The following ADPRM variants were observed in gnomAD, a reference collection of about 807,000 sequenced individuals.
ADPRM encodes the protein ADP-ribose/CDP-alcohol diphosphatase, manganese dependent.
Under a neutral mutation model 27.2 loss-of-function variants are expected in ADPRM, and 17 were observed. That is an observed-to-expected ratio of 0.63 (90% CI 0.43 to 0.94). The LOEUF (loss-of-function observed/expected upper bound fraction) is 0.94. Among genes scored for constraint, ADPRM ranks in the 40% least tolerant of loss-of-function variants. The pLI is 0.00. For synonymous variants in ADPRM, 135 were observed against 145.3 expected, an observed-to-expected ratio of 0.93 and a Z score of 0.51; for missense variants, 337 against 412.8, an observed-to-expected ratio of 0.82 and a Z score of 1.59.
chr17:10,701,448 A>G (rs1256395427), intron 1 of ADPRM, among the ~76,000 whole-genome samples: 1 of 151,978 alleles, frequency 6.6e-6, no homozygotes, highest in African/African-American at 2.4e-5. Context: ...CTCCTGCCTC[A>G]GCCTCCTGAG....
chr17:10,705,114 G>A lies in ADPRM; in HGVS notation c.188G>A (p.Ser63Asn), dbSNP rs371191811. Residue 63 changes from serine (S) to asparagine (N), a missense_variant, in exon 2 of 4, where the codon AGC (serine) becomes AAC (asparagine). Coordinates refer to ENST00000379774, the MANE Select transcript of ADPRM (RefSeq NM_020233.5). The surrounding 1 kb of genome is among the most constrained non-coding windows in gnomAD (Gnocchi z 5.4). ...GCCATTGAAGACTGGAATAATGAAA[G>A]CAGCATGCCCTGTTGTGTCCTTCAG... is the stretch of plus-strand genomic sequence containing the variant. ...QGAIEDWNNESSMPCCVLQLG... is the reference protein window; with the variant it reads ...QGAIEDWNNENSMPCCVLQLG... 57 of 1,614,012 alleles carry A rather than the reference G, an allele frequency of 3.5e-5. No homozygotes were observed. The highest frequency in any genetic ancestry group is 4.7e-5 in the Non-Finnish European group (55 of 1,180,022).
At chr17:10,701,623 C>T (rs2074779715) in intron 1 of ADPRM, among the ~76,000 whole-genome samples, 1 of 152,222 alleles carries the variant, frequency 6.6e-6, no homozygotes, top group African/African-American at 2.4e-5. Flanking sequence ...GCCACCACGC[C>T]TGGCCTATAT....
At chr17:10,703,551 CAAAT>C (rs10586478) in intron 1 of ADPRM, among the ~76,000 whole-genome samples, 67,084 of 151,488 alleles carry the variant, frequency 0.44, 14,996 homozygotes, top group East Asian at 0.52. Flanking sequence ...CCCTAATTCT[CAAAT>C]AAGTCAAATT....
Position 10,702,251 on chromosome 17 carries a change from G to T in ADPRM, c.-17-2659G>T, listed in dbSNP as rs1284038987. ...CTCTCTTTTTACCCCAGAACACATC[G>T]CTGTTTTGAAGTGTGTGCCCCTTGG... is the stretch of plus-strand genomic sequence containing the variant. On this transcript the variant is annotated intron_variant, in intron 1 of 3. Transcript: ENST00000379774. The surrounding 1 kb of genome is among the most constrained non-coding windows in gnomAD (Gnocchi z 4.2). Among the ~76,000 whole-genome samples the T allele has an allele frequency of 2.0e-5, 3 of 152,114 alleles. No homozygotes were observed. The highest frequency in any genetic ancestry group is 4.8e-5 in the African/African-American group (2 of 41,420).
At chr17:10,709,115 T>G (rs1026806516) in intron 3 of ADPRM, among the ~76,000 whole-genome samples, 5 of 152,240 alleles carry the variant, frequency 3.3e-5, no homozygotes, top group African/African-American at 9.6e-5. Context: ...TTATGGCTAC[T>G]CCAAGGTCAT....
At chr17:10,708,117 G>A (rs952790517) in intron 3 of ADPRM, among the ~76,000 whole-genome samples, 1 of 151,970 alleles carries the variant, frequency 6.6e-6, no homozygotes, top group African/African-American at 2.4e-5. Context: ...TCTCAGTAGT[G>A]TATCTAATGA....
chr17:10,704,990 G>A lies in ADPRM; in HGVS notation c.64G>A (p.Val22Ile), dbSNP rs79976834. Residue 22 changes from valine to isoleucine, a missense_variant, in exon 2 of 4, where the codon GTC becomes ATC. Physicochemically the swap from Val to Ile is conservative, Grantham distance 29. Coordinates refer to ENST00000379774, the MANE Select transcript of ADPRM (RefSeq NM_020233.5). ...TTCAGAGCGTCTTTTCTCCTTTGGC[G>A]TCATCGCAGATGTTCAATTTGCAGA... is the stretch of plus-strand genomic sequence containing the variant. ...DSSERLFSFG[V>I]IADVQFADLE... The A allele has an allele frequency of 1.3e-3, 2,163 of 1,614,096 alleles. 34 individuals carry two copies. The East Asian group carries it at 0.019, about 14-fold the overall frequency.
chr17:10,698,608 A>C (rs2074752255), intron 1 of ADPRM, among the ~76,000 whole-genome samples: 2 of 152,136 alleles, frequency 1.3e-5, no homozygotes, highest in Admixed American at 1.3e-4. Flanking sequence ...TGATTGTTGG[A>C]CCAGAGCATG....
chr17:10,697,768 T>A, intron 1 of ADPRM, 101 bp downstream of exon 1: 1 of 529,620 alleles, frequency 1.9e-6, no homozygotes, highest in South Asian at 2.2e-5. Flanking sequence ...GCCTTAGGGG[T>A]CCAGGTGCGC....
intron 1 of ADPRM, among the ~76,000 whole-genome samples, chr17:10,703,521 G>A (rs990029506): frequency 6.7e-6 from 1 of 149,850 alleles, no homozygotes; most frequent in East Asian, 2.0e-4. Flanking sequence ...AGTAACAACA[G>A]TTTTAGGATG....
chr17:10,697,755 G>T (rs1364183513), intron 1 of ADPRM, 88 bp downstream of exon 1: 4 of 584,244 alleles, frequency 6.8e-6, no homozygotes, highest in African/African-American at 1.9e-5. Flanking sequence ...CGGGAAGGGG[G>T]CTGCCTTAGG....
At chr17:10,703,426 C>T (rs2074792242) in intron 1 of ADPRM, among the ~76,000 whole-genome samples, 2 of 152,034 alleles carry the variant, frequency 1.3e-5, no homozygotes, top group African/African-American at 4.8e-5. Context: ...GTGCTGTTAC[C>T]TATTTTAGGG....
chr17:10,701,572 G>A (rs563694611), intron 1 of ADPRM, among the ~76,000 whole-genome samples: 44 of 152,134 alleles, frequency 2.9e-4, no homozygotes, highest in African/African-American at 8.2e-4. Context: ...CTCGTGATCC[G>A]CCCACCTTGG....
At position 10,705,652 on chromosome 17, in the gene ADPRM, T is replaced by C. The variant is rs1389447242; in HGVS notation, c.601+125T>C. ...TTGTCACTTGTTCAGGGTCAGGATT[T>C]CTCACAAGCCTTCTCACATGGATTG... On this transcript the variant is annotated intron_variant, in intron 2 of 3. Transcript: ENST00000379774. The surrounding 1 kb of genome is among the most constrained non-coding windows in gnomAD (Gnocchi z 5.4). 1 of 1,381,498 alleles carries C rather than the reference T, an allele frequency of 7.2e-7. No homozygotes were observed. The highest frequency in any genetic ancestry group is 1.5e-5 in the African/African-American group (1 of 68,748). 85.6% of individuals were successfully genotyped at this position (1,381,498 alleles called of 1,614,324 possible). A position where few individuals can be genotyped will look rare whatever the true frequency, so the allele number is the denominator to read the frequency against.
intron 1 of ADPRM, among the ~76,000 whole-genome samples, chr17:10,704,075 G>A (rs891530169): frequency 2.0e-5 from 3 of 152,086 alleles, no homozygotes; most frequent in Non-Finnish European, 2.9e-5. Flanking sequence ...TGGGTGTGGT[G>A]TCTCTTACCT....
chr17:10,702,791 G>A lies in ADPRM; in HGVS notation c.-17-2119G>A, dbSNP rs2151462464. 1.3e-5 allele frequency among the ~76,000 whole-genome samples: 2 copies of A among 152,312 alleles called. No individual in the cohort carries two copies. The highest frequency in any genetic ancestry group is 4.8e-5 in the African/African-American group (2 of 41,570). ...GGTTGGAGGTCAGACCACAAGAACTGAGAGTGGGGAATTGGATAAATGCCT... is the reference window on the plus strand; with the variant it reads ...GGTTGGAGGTCAGACCACAAGAACTAAGAGTGGGGAATTGGATAAATGCCT... On this transcript the variant is annotated intron_variant, in intron 1 of 3. Transcript: ENST00000379774. This position sits in a 1 kb window ranked among gnomAD's most constrained non-coding sequence, Gnocchi z 4.2.
chr17:10,703,897 C>T (rs1486734150), intron 1 of ADPRM, among the ~76,000 whole-genome samples: 3 of 152,048 alleles, frequency 2.0e-5, no homozygotes, highest in Non-Finnish European at 4.4e-5. Context: ...TTTAAACAAT[C>T]GAATAATAGT....
rs2074804800 is a variant in ADPRM, at chr17:10,705,119, A to G, written c.193A>G (p.Met65Val). The change falls in exon 2 of 4, where the codon ATG becomes GTG. Residue 65 changes from methionine to valine, a missense_variant. By Grantham distance (21) the Met-to-Val change is conservative. Coordinates refer to ENST00000379774, the MANE Select transcript of ADPRM (RefSeq NM_020233.5). The surrounding 1 kb of genome is among the most constrained non-coding windows in gnomAD (Gnocchi z 5.4). ...AIEDWNNESS[M>V]PCCVLQLGDI... The stretch of plus-strand genomic sequence containing the variant: ...TGAAGACTGGAATAATGAAAGCAGC[A>G]TGCCCTGTTGTGTCCTTCAGCTTGG... 1 of 1,614,186 alleles carries G rather than the reference A, an allele frequency of 6.2e-7. No individual in the cohort carries two copies.
chr17:10,711,212 T>C lies in ADPRM; in HGVS notation c.*68T>C. On this transcript the variant is annotated 3_prime_UTR_variant, in exon 4 of 4. Coordinates refer to ENST00000379774, the MANE Select transcript of ADPRM (RefSeq NM_020233.5). ...TCCCTCCTAAACAAAAAAATAAAAA[T>C]CCTCTGTCTCATTGTTTAGTATTCA... 1 of 1,262,294 alleles carries C rather than the reference T, an allele frequency of 7.9e-7. No homozygotes were observed. The highest frequency in any genetic ancestry group is 1.1e-6 in the Non-Finnish European group (1 of 917,236). 78.2% of individuals were successfully genotyped at this position (1,262,294 alleles called of 1,614,324 possible). A position where few individuals can be genotyped will look rare whatever the true frequency, so the allele number is the denominator to read the frequency against.
Sources: gnomAD v4.1 joint callset for allele counts (sites outside exome capture counted in the v4.1 genomes callset) on GRCh38, gnomAD v4.1.1 for gene constraint, Gnocchi (gnomAD v3.1) non-coding constraint, MANE v1.5 for transcripts, NCBI Gene and HGNC (gene_info 2026-07-23, HGNC 2026-07-21) for gene names.